Variants in ASZ1 observed in about 807,000 individuals in gnomAD.
The protein encoded by ASZ1 is ankyrin repeat, SAM and basic leucine zipper domain-containing protein 1.
In ASZ1, 67 loss-of-function variants were observed where a neutral mutation model predicts 61.8. The observed-to-expected ratio is 1.08, with a 90% CI of 0.89 to 1.33. The LOEUF is 1.33. Among genes scored for constraint, ASZ1 ranks in the 40% most tolerant of loss-of-function variants. The pLI is 0.00. For synonymous variants in ASZ1, 193 were observed against 192.7 expected (o/e 1.00, Z -0.01); for missense variants, 577 against 554.5 (o/e 1.04, Z -0.41).
chr7:117,396,339 C>T (rs76345082), intron 4 of ASZ1, among the ~76,000 whole-genome samples: 3,470 of 152,258 alleles, frequency 0.023, 129 homozygotes, highest in African/African-American at 0.079. Context: ...AAAGTGCTTA[C>T]AACAAGCATC....
intron 4 of ASZ1, among the ~76,000 whole-genome samples, chr7:117,416,168 A>C (rs747054687): frequency 6.6e-6 from 1 of 152,180 alleles, no homozygotes; most frequent in Non-Finnish European, 1.5e-5. Context: ...CCTGAGTGAC[A>C]GAGCGAGACT....
intron 4 of ASZ1, among the ~76,000 whole-genome samples, chr7:117,387,362 C>T (rs1470851002): frequency 6.6e-6 from 1 of 151,874 alleles, no homozygotes; most frequent in African/African-American, 2.4e-5. Flanking sequence ...CCCAAAACCC[C>T]CACATACACA....
intron 12 of ASZ1, 44 bp downstream of exon 12, chr7:117,367,308 C>T (rs1795960865): frequency 2.2e-6 from 3 of 1,346,518 alleles, no homozygotes; most frequent in African/African-American, 1.5e-5. Context: ...TGCTGTAAAT[C>T]ATTTCCCTTC....
chr7:117,380,919 T>C (rs1366768322), intron 9 of ASZ1, 92 bp downstream of exon 9: 35 of 1,112,424 alleles, frequency 3.1e-5, no homozygotes, highest in Non-Finnish European at 4.1e-5. Flanking sequence ...CTTTTGTCTA[T>C]AGCCCTGGCA....
rs1584715134 is a variant in ASZ1 at position 117,367,526 on chromosome 7, T to C, written c.1162-61A>G. ...GGAAATAACTTTCTACAACTTTATA[T>C]CCACAAAGATTATACAACATTCTTA... On this transcript the variant is annotated intron_variant, in intron 11 of 12. Coordinates refer to ENST00000284629, the MANE Select transcript of ASZ1 (RefSeq NM_130768.3). 3.1e-6 allele frequency: 4 copies of C among 1,287,424 alleles called. No individual in the cohort carries two copies. In the East Asian group the frequency reaches 1.1e-4, roughly 37 times the overall value. 79.8% of individuals were successfully genotyped at this position (1,287,424 alleles called of 1,614,324 possible).
chr7:117,373,750 G>C (rs1194476426), intron 10 of ASZ1, among the ~76,000 whole-genome samples: 1 of 152,036 alleles, frequency 6.6e-6, no homozygotes, highest in East Asian at 1.9e-4. Context: ...TTTAATACGT[G>C]AACTATTCAG....
chr7:117,367,341 T>C lies in ASZ1; in HGVS notation c.1275+11A>G, dbSNP rs747958047. The C allele has an allele frequency of 1.4e-6, 2 of 1,470,046 alleles. No homozygotes were observed. The highest frequency in any genetic ancestry group is 4.8e-5 in the Admixed American group (2 of 41,498). 91.1% of individuals were successfully genotyped at this position (1,470,046 alleles called of 1,614,324 possible). On this transcript the variant is annotated intron_variant, in intron 12 of 12. Transcript: ENST00000284629. ...TTCATTTTTCCCCTCCTTTTAATGT[T>C]AAATATATACCTTTTGAATTAGGTC...
chr7:117,375,295 G>A (rs141323710), intron 10 of ASZ1, among the ~76,000 whole-genome samples: 208 of 152,072 alleles, frequency 1.4e-3, no homozygotes, highest in African/African-American at 4.8e-3. Flanking sequence ...TAGGTATTAT[G>A]TACAATAAAA....
intron 4 of ASZ1, among the ~76,000 whole-genome samples, chr7:117,413,419 C>T (rs777265554): frequency 1.3e-5 from 2 of 152,036 alleles, no homozygotes; most frequent in Non-Finnish European, 1.5e-5. Flanking sequence ...GCCTATTACA[C>T]AGCAAATGTT....
chr7:117,400,516 C>T lies in ASZ1; in HGVS notation c.441-14707G>A, dbSNP rs181149926. Among the ~76,000 whole-genome samples the T allele has an allele frequency of 7.0e-3, 1,059 of 152,230 alleles. 4 individuals carry two copies. Among genetic ancestry groups the T allele is most frequent in the Non-Finnish European group, 0.011 (728 of 68,008 alleles). On this transcript the variant is annotated intron_variant, in intron 4 of 12. Transcript: ENST00000284629. ...GGGTAGCATTAGCAGAAAGCAGTAA[C>T]TTTAGGCCTTCTTATGGTGATGGGG...
At chr7:117,396,912 C>G (rs1037333951) in intron 4 of ASZ1, among the ~76,000 whole-genome samples, 1 of 151,782 alleles carries the variant, frequency 6.6e-6, no homozygotes, top group East Asian at 1.9e-4. Flanking sequence ...TGGAAGTTAT[C>G]TTTCTGACAT....
intron 3 of ASZ1, 70 bp from the exon 4 acceptor site, chr7:117,420,344 C>G (rs1378741672): frequency 2.8e-6 from 3 of 1,083,696 alleles, no homozygotes; most frequent in Non-Finnish European, 4.1e-6. Flanking sequence ...CTTTACCACT[C>G]AAAACATTCT....
chr7:117,420,829 A>G (rs1797086542), intron 3 of ASZ1, among the ~76,000 whole-genome samples: 1 of 152,226 alleles, frequency 6.6e-6, no homozygotes, highest in Non-Finnish European at 1.5e-5. Flanking sequence ...AGATCAGAGT[A>G]AATTAAACAC....
At chr7:117,399,546 T>A (rs923354787) in intron 4 of ASZ1, among the ~76,000 whole-genome samples, 16 of 152,358 alleles carry the variant, frequency 1.1e-4, no homozygotes, top group African/African-American at 3.6e-4. Flanking sequence ...AAACCAATTT[T>A]AAAAATCAAT....
intron 1 of ASZ1, 76 bp from the exon 2 acceptor site, chr7:117,427,011 T>C: frequency 2.1e-6 from 3 of 1,400,760 alleles, no homozygotes; most frequent in Non-Finnish European, 2.9e-6. Flanking sequence ...CAATAATGTT[T>C]GGTTAAGTAC....
chr7:117,378,285 A>T (rs1796174261), intron 10 of ASZ1, among the ~76,000 whole-genome samples: 1 of 152,122 alleles, frequency 6.6e-6, no homozygotes, highest in Admixed American at 6.6e-5. Context: ...AATATTTACA[A>T]ATCACATATC....
intron 6 of ASZ1, among the ~76,000 whole-genome samples, chr7:117,383,676 C>T (rs969437141): frequency 1.3e-5 from 2 of 151,962 alleles, no homozygotes; most frequent in African/African-American, 4.8e-5. Context: ...ATATCACATA[C>T]TCAGCCAAAA....
chr7:117,382,768 T>TA (rs1355162380), intron 7 of ASZ1, among the ~76,000 whole-genome samples: 3 of 152,216 alleles, frequency 2.0e-5, no homozygotes, highest in African/African-American at 7.2e-5. Context: ...ATATCTTACT[T>TA]AAAGTTTACA....
At chr7:117,400,554 A>G (rs973439179) in intron 4 of ASZ1, among the ~76,000 whole-genome samples, 3 of 152,316 alleles carry the variant, frequency 2.0e-5, no homozygotes, top group African/African-American at 7.2e-5. Flanking sequence ...CTCCAACACA[A>G]AAACTGGAGT....
Sources: allele counts gnomAD v4.1 joint callset (sites outside exome capture counted in the v4.1 genomes callset), GRCh38; gene constraint gnomAD v4.1.1; transcripts MANE v1.5; gene names NCBI Gene and HGNC (gene_info 2026-07-23, HGNC 2026-07-21).